GAN: variants seen among roughly 807,000 people sequenced by gnomAD.
The protein encoded by GAN is epididymis secretory sperm binding protein.
Under a neutral mutation model 71.3 loss-of-function variants are expected in GAN, and 48 were observed. The ratio of observed to expected loss-of-function variants is 0.67; its 90% CI spans 0.53 to 0.86. The LOEUF (loss-of-function observed/expected upper bound fraction) is 0.86. Ranked by LOEUF, GAN falls within the 40% of genes least tolerant of loss-of-function variation. The pLI is 0.00. For synonymous variants in GAN, 386 were observed against 276.8 expected (o/e 1.39, Z -3.92); for missense variants, 928 against 770.1 (o/e 1.21, Z -2.43).
At chr16:81,329,819 T>G (rs1909512832) in intron 1 of GAN, among the ~76,000 whole-genome samples, 1 of 152,118 alleles carries the variant, frequency 6.6e-6, no homozygotes, top group African/African-American at 2.4e-5. Flanking sequence ...CCCACGGTGA[T>G]CTCATCTACC....
chr16:81,329,194 T>A (rs903030733), intron 1 of GAN, among the ~76,000 whole-genome samples: 1 of 152,092 alleles, frequency 6.6e-6, no homozygotes, highest in Non-Finnish European at 1.5e-5. Flanking sequence ...TTTTTCCTTC[T>A]CTCCTGGCTT....
Position 81,330,855 on chromosome 16 carries a change from C to A in GAN, c.167+15575C>A, listed in dbSNP as rs371573075. ...CAAGACATAATAATATCATCTTCTGCCTGATACGATATTTCCGTAGTGTAT... is the reference window on the plus strand; with the variant it reads ...CAAGACATAATAATATCATCTTCTGACTGATACGATATTTCCGTAGTGTAT... On this transcript the variant is annotated intron_variant, in intron 1 of 10. Transcript: ENST00000648994. 8.3e-4 allele frequency among the ~76,000 whole-genome samples: 126 copies of A among 152,280 alleles called. 1 individual carries two copies. The South Asian group carries it at 0.026, about 31-fold the overall frequency.
intron 1 of GAN, among the ~76,000 whole-genome samples, chr16:81,319,891 G>A (rs749586703): frequency 6.6e-6 from 1 of 152,180 alleles, no homozygotes; most frequent in Non-Finnish European, 1.5e-5. Context: ...GTAGCTCTAT[G>A]CTATTTTTGT....
At chr16:81,327,934 T>G (rs1414563566) in intron 1 of GAN, among the ~76,000 whole-genome samples, 1 of 152,208 alleles carries the variant, frequency 6.6e-6, no homozygotes, top group Non-Finnish European at 1.5e-5. Flanking sequence ...GTGGCACGAA[T>G]GCCTTCCTTT....
chr16:81,329,126 C>T (rs991864567), intron 1 of GAN, among the ~76,000 whole-genome samples: 2 of 151,808 alleles, frequency 1.3e-5, no homozygotes, highest in Non-Finnish European at 2.9e-5. Flanking sequence ...TCCTCCCTGA[C>T]TGTCTCATCT....
At chr16:81,336,195 C>T (rs1035523292) in intron 1 of GAN, among the ~76,000 whole-genome samples, 2 of 152,202 alleles carry the variant, frequency 1.3e-5, no homozygotes, top group Admixed American at 6.5e-5. Context: ...AGTCCACACC[C>T]CACTACCTGC....
intron 1 of GAN, among the ~76,000 whole-genome samples, chr16:81,335,498 A>G (rs542517558): frequency 6.6e-5 from 10 of 152,104 alleles, no homozygotes; most frequent in African/African-American, 1.7e-4. Context: ...TGTAATCCCA[A>G]CACTTTGGGA....
chr16:81,353,188 G>A (rs1349767564), intron 2 of GAN, among the ~76,000 whole-genome samples: 1 of 151,710 alleles, frequency 6.6e-6, no homozygotes, highest in Non-Finnish European at 1.5e-5. Flanking sequence ...CTACTCGGGA[G>A]GCTGAGGCAG....
chr16:81,366,086 T>C (rs1910848200), intron 9 of GAN, among the ~76,000 whole-genome samples: 1 of 152,210 alleles, frequency 6.6e-6, no homozygotes, highest in Non-Finnish European at 1.5e-5. Flanking sequence ...TTGGCCTTTT[T>C]CAAAACTGCT....
chr16:81,353,306 AC>A (rs1339460455), intron 2 of GAN, among the ~76,000 whole-genome samples: 1 of 151,354 alleles, frequency 6.6e-6, no homozygotes, highest in Non-Finnish European at 1.5e-5. Context: ...AAAAAAAAAA[AC>A]GATAGTTGGA....
chr16:81,323,310 A>G (rs1043116648), intron 1 of GAN, among the ~76,000 whole-genome samples: 5 of 152,188 alleles, frequency 3.3e-5, no homozygotes, highest in African/African-American at 9.7e-5. Flanking sequence ...AAAAATTACA[A>G]TGCCTGCTGT....
At position 81,384,408 on chromosome 16, in the gene GAN, A is replaced by AATT. The variant is rs1904343248; in HGVS notation, c.*6813_*6814insTTA. 1 of 152,150 alleles carries AATT rather than the reference A, an allele frequency of 6.6e-6. No homozygotes were observed. Among genetic ancestry groups the AATT allele is most frequent in the Non-Finnish European group, 1.5e-5 (1 of 68,032 alleles). The allele number at this position is 152,150 out of a possible 1,614,324, so 9.4% of individuals were successfully genotyped here. On this transcript the variant is annotated 3_prime_UTR_variant, in exon 11 of 11. Coordinates refer to ENST00000648994, the MANE Select transcript of GAN (RefSeq NM_022041.4). ...TACTTGAAACTCAACTTGAACTTTA[A>AATT]AGAGTCTTTAAAAGGCTGTTTTCAT...
rs1904306988 is a variant in GAN, at chr16:81,381,881, C to G, written c.*4285C>G. On this transcript the variant is annotated 3_prime_UTR_variant, in exon 11 of 11. Coordinates refer to ENST00000648994, the MANE Select transcript of GAN (RefSeq NM_022041.4). ...GCTGGCCTCCTATACGGAGCTGAAA[C>G]TAGCATGGGCCGGCCTCCTATATGG... 1 of 152,170 alleles carries G rather than the reference C, an allele frequency of 6.6e-6. No individual in the cohort carries two copies. Among genetic ancestry groups the G allele is most frequent in the South Asian group, 2.1e-4 (1 of 4,826 alleles). The allele number at this position is 152,170 out of a possible 1,614,324, so 9.4% of individuals were successfully genotyped here.
intron 9 of GAN, among the ~76,000 whole-genome samples, chr16:81,372,366 G>T (rs1911063708): frequency 6.6e-6 from 1 of 152,206 alleles, no homozygotes; most frequent in Non-Finnish European, 1.5e-5. Flanking sequence ...ACAGTCATTT[G>T]AGGTTGTTGA....
chr16:81,327,794 C>A (rs1002678170), intron 1 of GAN, among the ~76,000 whole-genome samples: 3 of 150,446 alleles, frequency 2.0e-5, no homozygotes, highest in Non-Finnish European at 4.4e-5. Flanking sequence ...TAAGAGTGCT[C>A]CCCAAAGTGA....
Position 81,379,453 on chromosome 16 carries a change from A to G in GAN, c.*1857A>G, listed in dbSNP as rs575303765. On this transcript the variant is annotated 3_prime_UTR_variant, in exon 11 of 11. Transcript: ENST00000648994. ...ATGTGCCGCACAGTCATGTAATTCAATCATGTTTAATATGTCAGTCAAAAC... is the reference window on the plus strand; with the variant it reads ...ATGTGCCGCACAGTCATGTAATTCAGTCATGTTTAATATGTCAGTCAAAAC... 3.3e-5 allele frequency: 5 copies of G among 152,340 alleles called. No homozygotes were observed. In the East Asian group the frequency reaches 7.7e-4, roughly 24 times the overall value. The allele number at this position is 152,340 out of a possible 1,614,324, so 9.4% of individuals were successfully genotyped here.
chr16:81,339,615 C>T (rs144711634), intron 1 of GAN, among the ~76,000 whole-genome samples: 1 of 152,216 alleles, frequency 6.6e-6, no homozygotes, highest in Admixed American at 6.5e-5. Context: ...TAGGCCAGAA[C>T]TTGATCATTC....
intron 1 of GAN, among the ~76,000 whole-genome samples, chr16:81,326,593 A>T (rs1909397266): frequency 1.3e-5 from 2 of 152,262 alleles, no homozygotes; most frequent in South Asian, 2.1e-4. Context: ...TTGCTTAATG[A>T]CACCAATACG....
At chr16:81,322,219 A>G (rs1909245268) in intron 1 of GAN, among the ~76,000 whole-genome samples, 1 of 152,252 alleles carries the variant, frequency 6.6e-6, no homozygotes, top group Non-Finnish European at 1.5e-5. Flanking sequence ...TATTATAGTG[A>G]AGGGATTTGG....
Sources: allele counts gnomAD v4.1 joint callset (sites outside exome capture counted in the v4.1 genomes callset), GRCh38; gene constraint gnomAD v4.1.1; transcripts MANE v1.5; gene names NCBI Gene and HGNC (gene_info 2026-07-23, HGNC 2026-07-21).